EFCAB6: variants seen among roughly 807,000 people sequenced by gnomAD.
EFCAB6 encodes EF-hand calcium binding domain 6.
A neutral mutation model predicts 169.8 loss-of-function variants in EFCAB6; 156 were observed. The observed-to-expected ratio is 0.92, with a 90% CI of 0.81 to 1.05. The LOEUF (loss-of-function observed/expected upper bound fraction) is 1.05, where lower values mean the gene tolerates loss of function less well. Ranked by LOEUF, EFCAB6 falls within the 50% of genes least tolerant of loss-of-function variation. The pLI, the probability that EFCAB6 is intolerant of heterozygous loss-of-function variation, is 0.00. For synonymous variants in EFCAB6, 698 were observed against 676.4 expected (o/e 1.03, Z -0.50); for missense variants, 1,800 against 1,829.1 (o/e 0.98, Z 0.29).
chr22:43,618,905 T>C (rs1023353300), intron 20 of EFCAB6, among the ~76,000 whole-genome samples: 1 of 29,620 alleles, frequency 3.4e-5, no homozygotes, highest in Non-Finnish European at 5.6e-5. Context: ...TAATTTTCTC[T>C]CTCTCTTTTT....
At chr22:43,547,915 C>A (rs930764814) in intron 27 of EFCAB6, among the ~76,000 whole-genome samples, 1 of 151,928 alleles carries the variant, frequency 6.6e-6, no homozygotes, top group Non-Finnish European at 1.5e-5. Context: ...CATGGTGAAA[C>A]CCCGTCTCTA....
rs558964203 is a variant in EFCAB6 at position 43,692,208 on chromosome 22, C to T, written c.1032-4627G>A. 2.0e-5 allele frequency among the ~76,000 whole-genome samples: 3 copies of T among 152,222 alleles called. No individual in the cohort carries two copies. In the South Asian group the frequency reaches 6.2e-4, roughly 32 times the overall value. On this transcript the variant is annotated intron_variant, in intron 10 of 31. Coordinates refer to ENST00000262726, the MANE Select transcript of EFCAB6 (RefSeq NM_022785.4). ...ATCTGAACTGAGATCAGAGCTGCCA[C>T]CCAAGAAACAGAGTATGCAGTTTGA... is the stretch of plus-strand genomic sequence containing the variant.
chr22:43,638,361 A>T (rs739075), intron 17 of EFCAB6, among the ~76,000 whole-genome samples: 36,700 of 152,146 alleles, frequency 0.24, 5,499 homozygotes, highest in East Asian at 0.62. Flanking sequence ...CCCCTAAGAA[A>T]GTTGCTCAAA....
At chr22:43,654,023 A>G (rs2056612809) in intron 17 of EFCAB6, among the ~76,000 whole-genome samples, 1 of 152,198 alleles carries the variant, frequency 6.6e-6, no homozygotes, top group Non-Finnish European at 1.5e-5. Flanking sequence ...GAAAAAGATC[A>G]ATAAAAGTGA....
chr22:43,669,555 G>A (rs9614171), intron 15 of EFCAB6, among the ~76,000 whole-genome samples: 13,111 of 152,256 alleles, frequency 0.086, 769 homozygotes, highest in Non-Finnish European at 0.13. Context: ...CAGTGGTTTC[G>A]TGGAGGTGGG....
chr22:43,601,416 C>A (rs2052513980), intron 22 of EFCAB6, among the ~76,000 whole-genome samples: 1 of 152,194 alleles, frequency 6.6e-6, no homozygotes, highest in South Asian at 2.1e-4. Flanking sequence ...ATGTGATTTT[C>A]CCCAGATGAA....
At chr22:43,798,674 C>T (rs888509404) in intron 2 of EFCAB6, among the ~76,000 whole-genome samples, 7 of 152,154 alleles carry the variant, frequency 4.6e-5, no homozygotes, top group African/African-American at 7.2e-5. Flanking sequence ...TCTCCAGACC[C>T]GAGGCCAGTG....
intron 2 of EFCAB6, among the ~76,000 whole-genome samples, chr22:43,790,736 C>T (rs971941854): frequency 6.6e-5 from 10 of 152,140 alleles, no homozygotes; most frequent in African/African-American, 2.2e-4. Context: ...CTGTATGTCA[C>T]GAATAGGCTT....
chr22:43,774,913 GAAC>G (rs1030578642), intron 3 of EFCAB6, among the ~76,000 whole-genome samples: 2 of 151,978 alleles, frequency 1.3e-5, no homozygotes, highest in African/African-American at 4.8e-5. Context: ...GTCATCAAAA[GAAC>G]AACATAACCC....
At chr22:43,567,068 C>T (rs547009271) in intron 26 of EFCAB6, among the ~76,000 whole-genome samples, 1 of 152,222 alleles carries the variant, frequency 6.6e-6, no homozygotes, top group Non-Finnish European at 1.5e-5. Context: ...CATCAGAAAG[C>T]CATTTCTGCC....
chr22:43,731,219 C>G (rs533693263), intron 8 of EFCAB6, among the ~76,000 whole-genome samples: 135 of 152,180 alleles, frequency 8.9e-4, no homozygotes, highest in Non-Finnish European at 1.2e-3. Context: ...CGTTCTGTCT[C>G]AAGGTTATGT....
At chr22:43,654,882 G>A (rs1003657783) in intron 17 of EFCAB6, among the ~76,000 whole-genome samples, 5 of 152,208 alleles carry the variant, frequency 3.3e-5, no homozygotes, top group African/African-American at 1.2e-4. Flanking sequence ...ATGTGAGATG[G>A]AAAGAAGAGC....
intron 15 of EFCAB6, among the ~76,000 whole-genome samples, chr22:43,671,238 G>A (rs1475727392): frequency 2.6e-5 from 4 of 152,132 alleles, no homozygotes; most frequent in Non-Finnish European, 4.4e-5. Flanking sequence ...TTTTGCTCTA[G>A]TTGCCCAGGC....
chr22:43,692,760 C>A (rs2058453851), intron 10 of EFCAB6, among the ~76,000 whole-genome samples: 1 of 151,862 alleles, frequency 6.6e-6, no homozygotes, highest in African/African-American at 2.4e-5. Flanking sequence ...ACTAGATGGT[C>A]TGACATATAT....
intron 23 of EFCAB6, among the ~76,000 whole-genome samples, chr22:43,590,981 G>T (rs367737254): frequency 4.6e-5 from 7 of 150,960 alleles, no homozygotes; most frequent in African/African-American, 9.7e-5. Context: ...TGTTTTGTTT[G>T]TTTTTTTTTA....
At chr22:43,810,809 AT>A (rs1569498974) in intron 1 of EFCAB6, among the ~76,000 whole-genome samples, 1 of 152,198 alleles carries the variant, frequency 6.6e-6, no homozygotes, top group Non-Finnish European at 1.5e-5. Flanking sequence ...CTAAAATAAA[AT>A]CCTCATCCTC....
intron 19 of EFCAB6, among the ~76,000 whole-genome samples, chr22:43,630,253 A>G (rs1441987449): frequency 6.6e-6 from 1 of 152,148 alleles, no homozygotes; most frequent in Non-Finnish European, 1.5e-5. Context: ...CCCGGACATA[A>G]CCCGCATCCA....
At chr22:43,714,233 A>C (rs1326550534) in intron 9 of EFCAB6, among the ~76,000 whole-genome samples, 1 of 152,188 alleles carries the variant, frequency 6.6e-6, no homozygotes, top group Non-Finnish European at 1.5e-5. Context: ...AGCAGAGGAA[A>C]GGGACAAAAG....
chr22:43,739,315 A>G (rs948310238), intron 6 of EFCAB6, among the ~76,000 whole-genome samples: 3 of 152,080 alleles, frequency 2.0e-5, no homozygotes, highest in Non-Finnish European at 4.4e-5. Context: ...TTTGCTACTT[A>G]GCTTCCAGAG....
Sources: allele counts gnomAD v4.1 joint callset (sites outside exome capture counted in the v4.1 genomes callset), GRCh38; gene constraint gnomAD v4.1.1; transcripts MANE v1.5; gene names NCBI Gene and HGNC (gene_info 2026-07-23, HGNC 2026-07-21).